Variants in DPP6 observed in about 807,000 individuals in gnomAD.
DPP6 encodes A-type potassium channel modulatory protein DPP6.
DPP6 carries 69 observed loss-of-function variants against 122.6 expected under a neutral mutation model. The ratio of observed to expected loss-of-function variants is 0.56; its 90% confidence interval spans 0.46 to 0.69. DPP6 has a LOEUF of 0.69. Ranked by LOEUF, DPP6 falls within the 30% of genes least tolerant of loss-of-function variation. The pLI is 0.00. For synonymous variants in DPP6, 418 were observed against 433.1 expected (o/e 0.97, Z 0.43); for missense variants, 928 against 1,116.9 (o/e 0.83, Z 2.41).
chr7:154,890,300 G>A (rs1052895574), intron 25 of DPP6: 1 of 152,292 alleles, frequency 6.6e-6, no homozygotes, highest in African/African-American at 2.4e-5. Flanking sequence ...CTTGCCCTGG[G>A]CTGATCACTG....
At chr7:154,700,786 G>T (rs1420056632) in intron 7 of DPP6, among the ~76,000 whole-genome samples, 11 of 149,750 alleles carry the variant, frequency 7.3e-5, no homozygotes, top group Non-Finnish European at 1.6e-4. Flanking sequence ...GATCATTTTT[G>T]CATGAGCATC....
chr7:154,339,437 G>A (rs1406975948), intron 1 of DPP6, among the ~76,000 whole-genome samples: 2 of 152,154 alleles, frequency 1.3e-5, no homozygotes, highest in African/African-American at 4.8e-5. Flanking sequence ...CGGAGCTGGT[G>A]TTTACTAAAA....
chr7:154,077,030 A>C (rs537876719), intron 1 of DPP6, among the ~76,000 whole-genome samples: 4 of 152,350 alleles, frequency 2.6e-5, no homozygotes, highest in Admixed American at 2.6e-4. Context: ...ATAATTGTGA[A>C]GCATATAGGA....
At chr7:154,781,714 C>T (rs929820153) in intron 10 of DPP6, among the ~76,000 whole-genome samples, 5 of 151,658 alleles carry the variant, frequency 3.3e-5, no homozygotes, top group Admixed American at 2.0e-4. Flanking sequence ...TCTCTCATAA[C>T]ATTTTTGTAC....
At position 154,607,921 on chromosome 7, in the gene DPP6, G is replaced by A. The variant is rs142445552; in HGVS notation, c.628-29900G>A. Among the ~76,000 whole-genome samples the A allele has an allele frequency of 3.4e-3, 409 of 119,444 alleles. 64 individuals are homozygous for A. The highest frequency in any genetic ancestry group is 0.01 in the African/African-American group (389 of 37,748). The allele number at this position is 119,444 out of a possible 152,430, so 78.4% of individuals were successfully genotyped here. On this transcript the variant is annotated intron_variant, in intron 5 of 25. Transcript: ENST00000377770. Reference sequence around the variant, plus strand: ...CATCTCTAATCTTTGTGTTGTTCAAGGGTCAACTGTACTGGTAAACTTGAA... The same window carrying A: ...CATCTCTAATCTTTGTGTTGTTCAAAGGTCAACTGTACTGGTAAACTTGAA...
chr7:154,425,550 C>T lies in DPP6; in HGVS notation c.244-20664C>T, dbSNP rs549194249. On this transcript the variant is annotated intron_variant, in intron 1 of 25. Transcript: ENST00000377770. ...GTTGATACATGCAGGAGTGTGGTGG[C>T]CTCAGGGGAATGGAATTTCTTTCTT... Among the ~76,000 whole-genome samples the T allele has an allele frequency of 4.1e-4, 62 of 151,018 alleles. No homozygotes were observed. The South Asian group carries it at 5.9e-3, about 14-fold the overall frequency.
At position 154,052,846 on chromosome 7, in the gene DPP6, C is replaced by T. The variant is rs1800465042; in HGVS notation, c.26C>T (p.Thr9Ile). Residue 9 changes from threonine to isoleucine, a missense_variant, in exon 1 of 26, where the codon ACT becomes ATT. By Grantham distance (89) the Thr-to-Ile change is moderately conservative. Transcript: ENST00000377770. This position sits in a 1 kb window ranked among gnomAD's most constrained non-coding sequence, Gnocchi z 4.8. Reference sequence around the variant, plus strand: ...ATGGCTTCGCTGTACCAGAGGTTCACTGGCAAGATCAACACCTCGAGGTCC... The same window carrying T: ...ATGGCTTCGCTGTACCAGAGGTTCATTGGCAAGATCAACACCTCGAGGTCC... MASLYQRF[T>I]GKINTSRSFP... The T allele has an allele frequency of 6.5e-7, 1 of 1,537,388 alleles. No individual in the cohort carries two copies.
At chr7:154,301,331 A>G (rs185345118) in intron 1 of DPP6, among the ~76,000 whole-genome samples, 106 of 152,276 alleles carry the variant, frequency 7.0e-4, no homozygotes, top group Admixed American at 6.9e-3. Context: ...AGGCGCTTGG[A>G]AAGGAGTGCA....
intron 5 of DPP6, among the ~76,000 whole-genome samples, chr7:154,582,285 G>A (rs1244582557): frequency 3.3e-5 from 5 of 152,232 alleles, no homozygotes; most frequent in Admixed American, 1.3e-4. Context: ...CCACGGGCAT[G>A]TCCTGAGGAT....
intron 5 of DPP6, among the ~76,000 whole-genome samples, chr7:154,631,568 G>A (rs954126030): frequency 3.9e-5 from 6 of 152,018 alleles, no homozygotes; most frequent in African/African-American, 9.7e-5. Context: ...TTGGGAGGCC[G>A]AGGCAGGAGA....
chr7:154,247,510 A>G (rs77412516), intron 1 of DPP6, among the ~76,000 whole-genome samples: 5,935 of 152,296 alleles, frequency 0.039, 193 homozygotes, highest in East Asian at 0.13. Flanking sequence ...GCCTAAAATT[A>G]TTACTCACCA....
intron 1 of DPP6, among the ~76,000 whole-genome samples, chr7:153,911,533 G>A (rs10952453): frequency 0.49 from 74,478 of 151,950 alleles, 18,524 homozygotes; most frequent in African/African-American, 0.54. Context: ...TGTTCAGAAT[G>A]TGATTTAATA....
intron 1 of DPP6, among the ~76,000 whole-genome samples, chr7:154,376,414 G>A (rs1813136279): frequency 6.6e-6 from 1 of 152,208 alleles, no homozygotes; most frequent in African/African-American, 2.4e-5. Context: ...GTTTTAACAA[G>A]TATTCCTGGT....
intron 4 of DPP6, among the ~76,000 whole-genome samples, chr7:154,556,601 AAAG>A (rs1333514631): frequency 1.3e-5 from 2 of 152,218 alleles, no homozygotes. Context: ...GGTTTCATAA[AAAG>A]AGAGAAATTT....
At chr7:154,168,778 A>T (rs1797383713) in intron 1 of DPP6, among the ~76,000 whole-genome samples, 1 of 152,230 alleles carries the variant, frequency 6.6e-6, no homozygotes, top group Admixed American at 6.5e-5. Flanking sequence ...TGATAATGAC[A>T]TTCACAATAG....
At chr7:154,811,343 C>T (rs535781667) in intron 16 of DPP6, among the ~76,000 whole-genome samples, 1 of 152,182 alleles carries the variant, frequency 6.6e-6, no homozygotes, top group Admixed American at 6.5e-5. Context: ...CTCGTCCTGC[C>T]ATGGGGAAAG....
intron 1 of DPP6, among the ~76,000 whole-genome samples, chr7:154,169,807 C>T (rs1797443458): frequency 6.6e-6 from 1 of 152,006 alleles, no homozygotes; most frequent in Admixed American, 6.6e-5. Context: ...CTTGGCTCAC[C>T]CCAACCTCTG....
chr7:154,759,984 A>G (rs538915688), intron 8 of DPP6, among the ~76,000 whole-genome samples: 7 of 152,312 alleles, frequency 4.6e-5, no homozygotes, highest in South Asian at 2.1e-4. Context: ...TTAGCTGGGC[A>G]TGGTGGTGCA....
intron 1 of DPP6, among the ~76,000 whole-genome samples, chr7:153,890,458 G>A (rs919617660): frequency 1.3e-5 from 2 of 152,200 alleles, no homozygotes; most frequent in African/African-American, 2.4e-5. Context: ...CAAGAATGGT[G>A]ACAATAGCCT....
Sources: allele counts gnomAD v4.1 joint callset (sites outside exome capture counted in the v4.1 genomes callset), GRCh38; gene constraint gnomAD v4.1.1; non-coding constraint Gnocchi (gnomAD v3.1); transcripts MANE v1.5; gene names NCBI Gene and HGNC (gene_info 2026-07-23, HGNC 2026-07-21).